The following CHRDL1 variants were observed in gnomAD, a reference collection of about 807,000 sequenced individuals.
CHRDL1 encodes chordin-like protein 1.
A neutral mutation model predicts 40.9 loss-of-function variants in CHRDL1; 19 were observed. The ratio of observed to expected loss-of-function variants is 0.46; its 90% CI spans 0.32 to 0.68. CHRDL1 has a LOEUF of 0.68. CHRDL1 is among the 30% of genes least tolerant of loss of function. The probability of loss-of-function intolerance (pLI) is 0.03; values close to 1 mark genes in which losing one functional copy is unlikely to be tolerated. For synonymous variants in CHRDL1, 136 were observed against 123.4 expected, an observed-to-expected ratio of 1.10 and a Z score of -0.68; for missense variants, 329 against 352.1, an observed-to-expected ratio of 0.93 and a Z score of 0.53.
intron 7 of CHRDL1, among the ~76,000 whole-genome samples, chrX:110,696,591 C>A (rs1214139444): frequency 3.6e-5 from 4 of 111,214 alleles, no homozygotes; most frequent in Middle Eastern, 4.2e-3. Context: ...GGTCTATAAC[C>A]ATTTGACTAA....
chrX:110,694,185 A>G lies in CHRDL1; in HGVS notation c.756T>C (p.Asn252=), dbSNP rs771646599. ...ASGTIVQIVI[N]NKHKHGQVCV... Reference sequence around the variant, plus strand: ...TACCTTGTCCATGCTTGTGTTTGTTATTGATGACAATTTGCACAATGGTTC... The same window carrying G: ...TACCTTGTCCATGCTTGTGTTTGTTGTTGATGACAATTTGCACAATGGTTC... Residue 252 remains asparagine (N), a synonymous_variant, in exon 8 of 12, where the codon AAT becomes AAC. Transcript: ENST00000372042. The G allele has an allele frequency of 2.2e-5, 26 of 1,207,563 alleles. No homozygotes were observed. The highest frequency in any genetic ancestry group is 3.5e-5 in the African/African-American group (2 of 57,039).
At chrX:110,784,153 G>A (rs903808718) in intron 2 of CHRDL1, among the ~76,000 whole-genome samples, 1 of 111,800 alleles carries the variant, frequency 8.9e-6, no homozygotes, top group Non-Finnish European at 1.9e-5. Context: ...CAAACTTGAA[G>A]CAGAATGTAG....
intron 4 of CHRDL1, among the ~76,000 whole-genome samples, chrX:110,739,726 T>C (rs1194904711): frequency 8.9e-6 from 1 of 112,689 alleles, no homozygotes; most frequent in Admixed American, 9.4e-5. Context: ...TCTTCTAAAA[T>C]CATGGGCCAT....
At chrX:110,690,399 A>G (rs1465515575) in intron 8 of CHRDL1, among the ~76,000 whole-genome samples, 1 of 109,431 alleles carries the variant, frequency 9.1e-6, no homozygotes, top group Non-Finnish European at 1.9e-5. Context: ...AATGCATGAA[A>G]GCAGAGTTCT....
rs144828326 is a variant in CHRDL1, at chrX:110,694,129, T to C, written c.778+34A>G. ...AAAGACCAGGGCTGCTGAAGCCTTG[T>C]TGTGGAAGTATACAAAAGAAGGATG... On this transcript the variant is annotated intron_variant, in intron 8 of 11. Coordinates refer to ENST00000372042, the MANE Select transcript of CHRDL1 (RefSeq NM_001143981.2). The C allele has an allele frequency of 6.3e-3, 7,180 of 1,134,883 alleles. 318 individuals carry two copies. In the African/African-American group the frequency reaches 0.12, roughly 18 times the overall value. 93.5% of individuals were successfully genotyped at this position (1,134,883 alleles called of 1,213,427 possible). A position where few individuals can be genotyped will look rare whatever the true frequency, so the allele number is the denominator to read the frequency against.
intron 3 of CHRDL1, among the ~76,000 whole-genome samples, chrX:110,760,644 C>A (rs1466966343): frequency 4.5e-5 from 5 of 111,755 alleles, no homozygotes; most frequent in Non-Finnish European, 9.4e-5. Flanking sequence ...AAATGTGTCG[C>A]GTCAAGAATC....
At chrX:110,705,286 T>C (rs1272064348) in intron 6 of CHRDL1, among the ~76,000 whole-genome samples, 1 of 84,784 alleles carries the variant, frequency 1.2e-5, no homozygotes, top group Non-Finnish European at 2.1e-5. Flanking sequence ...GGAGACTATA[T>C]ATATATATAT....
At chrX:110,690,249 T>G in intron 8 of CHRDL1, among the ~76,000 whole-genome samples, 1 of 104,425 alleles carries the variant, frequency 9.6e-6, no homozygotes. Context: ...GGGGTTTCAC[T>G]GTGTTAGCCA....
intron 4 of CHRDL1, among the ~76,000 whole-genome samples, chrX:110,751,878 C>A (rs975988047): frequency 1.8e-5 from 2 of 111,777 alleles, no homozygotes; most frequent in Non-Finnish European, 3.8e-5. Context: ...CGTAAGTTTC[C>A]ATCAACGGAA....
intron 4 of CHRDL1, among the ~76,000 whole-genome samples, chrX:110,754,651 T>C (rs1189503829): frequency 8.9e-6 from 1 of 111,844 alleles, no homozygotes; most frequent in Non-Finnish European, 1.9e-5. Flanking sequence ...AACCACACTG[T>C]CACTATTCCT....
At chrX:110,767,462 C>T (rs2089680709) in intron 2 of CHRDL1, among the ~76,000 whole-genome samples, 1 of 110,514 alleles carries the variant, frequency 9.0e-6, no homozygotes, top group Non-Finnish European at 1.9e-5. Flanking sequence ...TTCCAGAAAG[C>T]TCCTAAAACT....
chrX:110,742,112 T>C lies in CHRDL1; in HGVS notation c.301+17549A>G, dbSNP rs142747445. On this transcript the variant is annotated intron_variant, in intron 4 of 11. Coordinates refer to ENST00000372042, the MANE Select transcript of CHRDL1 (RefSeq NM_001143981.2). The stretch of plus-strand genomic sequence containing the variant: ...TTTTAGCAGGTGATTCTGAGGTTAG[T>C]TTCTACTGGGTATTTTCTCTTACTT... Among the ~76,000 whole-genome samples the C allele has an allele frequency of 3.2e-3, 365 of 112,397 alleles. 2 individuals are homozygous for C. Among genetic ancestry groups the C allele is most frequent in the Middle Eastern group, 0.014 (3 of 219 alleles).
chrX:110,772,142 A>G (rs1355365150), intron 2 of CHRDL1, among the ~76,000 whole-genome samples: 1 of 111,808 alleles, frequency 8.9e-6, no homozygotes, highest in Admixed American at 9.5e-5. Flanking sequence ...GATACACTTT[A>G]TTTATGGATT....
At chrX:110,708,600 G>A (rs1321326008) in intron 6 of CHRDL1, among the ~76,000 whole-genome samples, 1 of 111,607 alleles carries the variant, frequency 9.0e-6, no homozygotes, top group Non-Finnish European at 1.9e-5. Flanking sequence ...ACACAACGGG[G>A]GGAATTCCTG....
At chrX:110,756,953 G>T (rs1411650250) in intron 4 of CHRDL1, among the ~76,000 whole-genome samples, 2 of 111,953 alleles carry the variant, frequency 1.8e-5, no homozygotes, top group African/African-American at 6.5e-5. Context: ...GCATCATGTA[G>T]ATGTCTTTTT....
Position 110,730,781 on chromosome X carries a change from C to T in CHRDL1, c.302-9251G>A, listed in dbSNP as rs185845985. The stretch of plus-strand genomic sequence containing the variant: ...TAACCATCATTTCCAGTGTCCTCTC[C>T]TGCAACATGTTTTCCAGAATTGCTA... On this transcript the variant is annotated intron_variant, in intron 4 of 11. Coordinates refer to ENST00000372042, the MANE Select transcript of CHRDL1 (RefSeq NM_001143981.2). 1.5e-4 allele frequency among the ~76,000 whole-genome samples: 17 copies of T among 111,344 alleles called. No homozygotes were observed. The East Asian group carries it at 4.8e-3, about 32-fold the overall frequency.
Position 110,694,423 on chromosome X carries a change from T to A in CHRDL1, c.610-92A>T, listed in dbSNP as rs944314161. The A allele has an allele frequency of 1.8e-5, 12 of 672,164 alleles. No homozygotes were observed. In the African/African-American group the frequency reaches 2.6e-4, roughly 15 times the overall value. 55.4% of individuals were successfully genotyped at this position (672,164 alleles called of 1,213,427 possible). On this transcript the variant is annotated intron_variant, in intron 7 of 11. Transcript: ENST00000372042. ...ACTAGAAGTCATTCAATAATTTTGA[T>A]TTATAGTGGTGAGCTCTGATTTCAG...
chrX:110,681,299 C>A (rs1442807846), intron 10 of CHRDL1, among the ~76,000 whole-genome samples, 183 bp downstream of exon 10: 2 of 112,031 alleles, frequency 1.8e-5, no homozygotes, highest in Admixed American at 9.5e-5. Context: ...TGATCTTTAG[C>A]ACAGGCCATC....
intron 6 of CHRDL1, among the ~76,000 whole-genome samples, chrX:110,705,505 T>C (rs865952396): frequency 2.3e-5 from 1 of 42,814 alleles, no homozygotes; most frequent in Non-Finnish European, 5.7e-5. Flanking sequence ...TATATATATA[T>C]ATATCATCTA....
Sources: gnomAD v4.1 joint callset for allele counts (sites outside exome capture counted in the v4.1 genomes callset) on GRCh38, gnomAD v4.1.1 for gene constraint, MANE v1.5 for transcripts, NCBI Gene and HGNC (gene_info 2026-07-23, HGNC 2026-07-21) for gene names.